Variants in PHACTR1 observed in about 807,000 individuals in gnomAD.
PHACTR1 encodes the protein phosphatase and actin regulator 1.
Under a neutral mutation model 69.2 loss-of-function variants are expected in PHACTR1, and 16 were observed. The observed-to-expected ratio is 0.23, with a 90% CI of 0.16 to 0.35. PHACTR1 has a LOEUF of 0.35. Ranked by LOEUF, PHACTR1 falls within the 10% of genes least tolerant of loss-of-function variation. The probability of loss-of-function intolerance (pLI) is 1.00; values close to 1 mark genes in which losing one functional copy is unlikely to be tolerated. For missense variants in PHACTR1, 510 were observed against 734.7 expected (o/e 0.69, Z 3.54); for synonymous variants, 312 against 284.5 (o/e 1.10, Z -0.97).
At chr6:13,162,036 T>C (rs1759094630) in intron 6 of PHACTR1, among the ~76,000 whole-genome samples, 2 of 152,166 alleles carry the variant, frequency 1.3e-5, no homozygotes, top group African/African-American at 4.8e-5. Flanking sequence ...AATCCATACT[T>C]TTCTTGCATT....
At chr6:12,774,379 T>C (rs6930661) in intron 4 of PHACTR1, among the ~76,000 whole-genome samples, 9,989 of 150,824 alleles carry the variant, frequency 0.066, 369 homozygotes, top group Middle Eastern at 0.11. Flanking sequence ...CATATTTGGC[T>C]TTTGTTGTTG....
At chr6:13,042,277 G>A (rs1268996321) in intron 4 of PHACTR1, among the ~76,000 whole-genome samples, 1 of 152,156 alleles carries the variant, frequency 6.6e-6, no homozygotes, top group Non-Finnish European at 1.5e-5. Context: ...ATGAACATTA[G>A]GCATTTTAAA....
At chr6:13,111,654 T>C (rs1356452525) in intron 5 of PHACTR1, among the ~76,000 whole-genome samples, 3 of 152,158 alleles carry the variant, frequency 2.0e-5, no homozygotes, top group African/African-American at 7.2e-5. Flanking sequence ...ACTCTCTGTG[T>C]TCCTTCCCCC....
chr6:13,175,971 G>T (rs979452771), intron 6 of PHACTR1, among the ~76,000 whole-genome samples: 1 of 152,028 alleles, frequency 6.6e-6, no homozygotes, highest in African/African-American at 2.4e-5. Flanking sequence ...AGGAGGGAAA[G>T]GATGGATTGG....
At chr6:13,273,087 G>A (rs984098849) in intron 11 of PHACTR1, 172 bp downstream of exon 11, 1 of 886,730 alleles carries the variant, frequency 1.1e-6, no homozygotes, top group African/African-American at 1.7e-5. Flanking sequence ...CCTCCCCAAA[G>A]AGAAGGCAAA....
chr6:13,192,346 A>G (rs3864309), intron 7 of PHACTR1, among the ~76,000 whole-genome samples: 47,570 of 151,870 alleles, frequency 0.31, 7,783 homozygotes, highest in East Asian at 0.49. Flanking sequence ...GGTTGTTCTT[A>G]AACAAGATGC....
intron 8 of PHACTR1, among the ~76,000 whole-genome samples, chr6:13,211,365 T>C (rs1583963377): frequency 6.6e-6 from 1 of 152,088 alleles, no homozygotes; most frequent in East Asian, 1.9e-4. Flanking sequence ...ATTTTTAATA[T>C]CTGCAGTAAG....
chr6:12,810,833 A>C (rs1267442392), intron 4 of PHACTR1, among the ~76,000 whole-genome samples: 1 of 152,100 alleles, frequency 6.6e-6, no homozygotes, highest in Non-Finnish European at 1.5e-5. Flanking sequence ...TTGCCCCTGC[A>C]CTATGCTATT....
chr6:12,892,924 C>T (rs1476861668), intron 4 of PHACTR1, among the ~76,000 whole-genome samples: 3 of 152,112 alleles, frequency 2.0e-5, no homozygotes, highest in Non-Finnish European at 2.9e-5. Flanking sequence ...CTGAGGAACA[C>T]CTTTACTTGG....
intron 8 of PHACTR1, among the ~76,000 whole-genome samples, chr6:13,215,562 G>A (rs758767987): frequency 6.6e-6 from 1 of 152,146 alleles, no homozygotes; most frequent in Non-Finnish European, 1.5e-5. Flanking sequence ...TAGAGAATGA[G>A]ATTGATGACG....
intron 3 of PHACTR1, among the ~76,000 whole-genome samples, chr6:12,738,990 T>TAATG (rs1489591920): frequency 1.3e-5 from 2 of 152,226 alleles, no homozygotes; most frequent in African/African-American, 4.8e-5. Flanking sequence ...TACCCATATA[T>TAATG]AATGGTTTAT....
rs570285551 is a variant in PHACTR1, at chr6:13,101,841, T to G, written c.415+48312T>G. On this transcript the variant is annotated intron_variant, in intron 5 of 14. Transcript: ENST00000332995. The stretch of plus-strand genomic sequence containing the variant: ...ACTCAGTGGTACGTCTCAGTGGTGC[T>G]GCTCATAATCAGTGAAGAGCTCTTA... Among the ~76,000 whole-genome samples, 6 of 152,330 alleles carry G rather than the reference T, an allele frequency of 3.9e-5. 1 individual carries two copies. The South Asian group carries it at 1.2e-3, about 32-fold the overall frequency.
chr6:12,765,412 G>A (rs1353402056), intron 4 of PHACTR1, among the ~76,000 whole-genome samples: 1 of 152,136 alleles, frequency 6.6e-6, no homozygotes, highest in East Asian at 1.9e-4. Flanking sequence ...GCTAGCAGAG[G>A]GCATGGCCTG....
chr6:13,038,052 C>T (rs1803578994), intron 4 of PHACTR1, among the ~76,000 whole-genome samples: 1 of 152,102 alleles, frequency 6.6e-6, no homozygotes, highest in Non-Finnish European at 1.5e-5. Context: ...AGATGAGGTG[C>T]CTATGAAATG....
At chr6:13,222,303 G>A (rs987027715) in intron 8 of PHACTR1, among the ~76,000 whole-genome samples, 18 of 152,332 alleles carry the variant, frequency 1.2e-4, no homozygotes, top group African/African-American at 4.3e-4. Context: ...TCAGACCACT[G>A]AGTGTCATTC....
chr6:12,865,409 A>G (rs80068746), intron 4 of PHACTR1, among the ~76,000 whole-genome samples: 1 of 152,274 alleles, frequency 6.6e-6, no homozygotes, highest in Non-Finnish European at 1.5e-5. Context: ...CCTTCTGTCT[A>G]GATTCCAATA....
chr6:12,777,223 A>T (rs867027324), intron 4 of PHACTR1, among the ~76,000 whole-genome samples: 2,131 of 141,808 alleles, frequency 0.015, 28 homozygotes, highest in Non-Finnish European at 0.021. Flanking sequence ...CTACGGTTTT[A>T]TATATATATA....
chr6:12,786,040 C>A (rs9472551), intron 4 of PHACTR1, among the ~76,000 whole-genome samples: 67,191 of 152,092 alleles, frequency 0.44, 15,628 homozygotes, highest in African/African-American at 0.55. Context: ...ACTTCTTCCC[C>A]ATGCGTTTTC....
chr6:12,838,180 T>A (rs368758999), intron 4 of PHACTR1, among the ~76,000 whole-genome samples: 1 of 152,204 alleles, frequency 6.6e-6, no homozygotes, highest in Non-Finnish European at 1.5e-5. Context: ...CCCGTCCCCG[T>A]GGCTATAACA....
Sources: allele counts gnomAD v4.1 joint callset (sites outside exome capture counted in the v4.1 genomes callset), GRCh38; gene constraint gnomAD v4.1.1; transcripts MANE v1.5; gene names NCBI Gene and HGNC (gene_info 2026-07-23, HGNC 2026-07-21).